Variants in SNTB2 observed in about 807,000 individuals in gnomAD.
SNTB2 encodes the protein syntrophin beta 2.
A neutral mutation model predicts 46.2 loss-of-function variants in SNTB2; 34 were observed. The ratio of observed to expected loss-of-function variants is 0.74; its 90% CI spans 0.56 to 0.98. The LOEUF (loss-of-function observed/expected upper bound fraction) is 0.98. Among genes scored for constraint, SNTB2 ranks in the 50% least tolerant of loss-of-function variants. The pLI, the probability that SNTB2 is intolerant of heterozygous loss-of-function variation, is 0.00. For missense variants in SNTB2, 603 were observed against 731.4 expected (o/e 0.82, Z 2.02); for synonymous variants, 290 against 312.6 (o/e 0.93, Z 0.76).
chr16:69,243,332 C>T (rs1011974330), intron 1 of SNTB2, among the ~76,000 whole-genome samples: 1 of 152,188 alleles, frequency 6.6e-6, no homozygotes, highest in Non-Finnish European at 1.5e-5. Flanking sequence ...TGTCCATCCA[C>T]AGCTCTTCAG....
intron 5 of SNTB2, among the ~76,000 whole-genome samples, chr16:69,298,763 C>G (rs1965251123): frequency 6.6e-6 from 1 of 152,006 alleles, no homozygotes; most frequent in African/African-American, 2.4e-5. Context: ...CTCAAGTGAT[C>G]CGCCCACCTC....
chr16:69,242,837 C>T (rs1340517901), intron 1 of SNTB2, among the ~76,000 whole-genome samples: 10 of 151,874 alleles, frequency 6.6e-5, no homozygotes, highest in African/African-American at 1.5e-4. Flanking sequence ...CTGGCTAGCA[C>T]GGTGAAACCC....
At chr16:69,215,288 G>A (rs1005044136) in intron 1 of SNTB2, among the ~76,000 whole-genome samples, 1 of 152,208 alleles carries the variant, frequency 6.6e-6, no homozygotes, top group African/African-American at 2.4e-5. Context: ...GGGAGGCTGA[G>A]GTGGGAGGAT....
At chr16:69,244,105 G>A (rs1964645216) in intron 1 of SNTB2, among the ~76,000 whole-genome samples, 1 of 152,078 alleles carries the variant, frequency 6.6e-6, no homozygotes, top group Non-Finnish European at 1.5e-5. Flanking sequence ...TGTAGATGAG[G>A]ACCTCAGAAC....
At position 69,299,666 on chromosome 16, in the gene SNTB2, A is replaced by G. The variant is rs775507179; in HGVS notation, c.1422A>G (p.Gly474=). 4.3e-6 allele frequency: 7 copies of G among 1,614,056 alleles called. No homozygotes were observed. Among genetic ancestry groups the G allele is most frequent in the Admixed American group, 1.7e-5 (1 of 59,996 alleles). The change falls in exon 6 of 7, where the codon GGA becomes GGG. Residue 474 remains glycine (G), a synonymous_variant. Coordinates refer to ENST00000336278, the MANE Select transcript of SNTB2 (RefSeq NM_006750.4). ...GGTTCACCATCTCAAGGGAAAATGG[A>G]GGCTCCAGCAGCATATTGTACCGCT... ...ENGFTISREN[G]GSSSILYRYP...
rs192347811 is a variant in SNTB2 at position 69,206,595 on chromosome 16, G to A, written c.580+18849G>A. Among the ~76,000 whole-genome samples the A allele has an allele frequency of 7.6e-3, 1,145 of 151,200 alleles. 15 individuals are homozygous for A. Among genetic ancestry groups the A allele is most frequent in the African/African-American group, 0.025 (1,029 of 41,252 alleles). On this transcript the variant is annotated intron_variant, in intron 1 of 6. Coordinates refer to ENST00000336278, the MANE Select transcript of SNTB2 (RefSeq NM_006750.4). The stretch of plus-strand genomic sequence containing the variant: ...AATCCCAGCTACTCAGGAAGCTGAG[G>A]CAGGAGAATCGCTTGAACCTGGAAG...
intron 3 of SNTB2, 89 bp from the exon 4 acceptor site, chr16:69,270,054 G>T: frequency 6.9e-7 from 1 of 1,456,710 alleles, no homozygotes; most frequent in Non-Finnish European, 9.6e-7. Flanking sequence ...ACAAAATGGA[G>T]ACCCATTGTG....
intron 2 of SNTB2, among the ~76,000 whole-genome samples, chr16:69,248,242 A>C (rs1463942100): frequency 6.6e-6 from 1 of 152,234 alleles, no homozygotes; most frequent in African/African-American, 2.4e-5. Flanking sequence ...TTTGTGCTAC[A>C]TATAGGTTTA....
At chr16:69,212,483 C>T (rs1203529611) in intron 1 of SNTB2, among the ~76,000 whole-genome samples, 3 of 151,950 alleles carry the variant, frequency 2.0e-5, no homozygotes, top group Non-Finnish European at 4.4e-5. Flanking sequence ...GGACTACCGG[C>T]GTGTACCACC....
At chr16:69,223,072 C>T (rs1480403649) in intron 1 of SNTB2, among the ~76,000 whole-genome samples, 2 of 151,996 alleles carry the variant, frequency 1.3e-5, no homozygotes, top group Non-Finnish European at 2.9e-5. Flanking sequence ...TGCGCCCAGC[C>T]GTTTTGTTCT....
intron 2 of SNTB2, among the ~76,000 whole-genome samples, chr16:69,249,142 C>T (rs1477890392): frequency 6.6e-6 from 1 of 151,258 alleles, no homozygotes; most frequent in Non-Finnish European, 1.5e-5. Context: ...TCCCCTGCTT[C>T]AGCCTTCCAA....
intron 1 of SNTB2, among the ~76,000 whole-genome samples, chr16:69,211,766 C>G (rs1964290026): frequency 6.6e-6 from 1 of 152,146 alleles, no homozygotes; most frequent in Non-Finnish European, 1.5e-5. Flanking sequence ...ACACCTTATA[C>G]TAATGTCCTG....
chr16:69,273,375 A>G (rs1318242890), intron 4 of SNTB2, among the ~76,000 whole-genome samples: 1 of 152,256 alleles, frequency 6.6e-6, no homozygotes, highest in Non-Finnish European at 1.5e-5. Flanking sequence ...ATATCCACAC[A>G]GTGGAATACT....
chr16:69,252,211 G>A (rs1964734216), intron 2 of SNTB2, among the ~76,000 whole-genome samples: 2 of 152,062 alleles, frequency 1.3e-5, no homozygotes, highest in Non-Finnish European at 2.9e-5. Flanking sequence ...CCATAGAGCT[G>A]AGAAAAAGTA....
At chr16:69,272,703 C>T (rs1192492475) in intron 4 of SNTB2, among the ~76,000 whole-genome samples, 3 of 151,450 alleles carry the variant, frequency 2.0e-5, no homozygotes, top group African/African-American at 4.9e-5. Context: ...ACCAGCCTGA[C>T]CAACATGGTG....
At chr16:69,272,197 G>C (rs1964943918) in intron 4 of SNTB2, among the ~76,000 whole-genome samples, 1 of 152,150 alleles carries the variant, frequency 6.6e-6, no homozygotes, top group South Asian at 2.1e-4. Flanking sequence ...CACAGAATGG[G>C]AGAAAATATT....
intron 1 of SNTB2, among the ~76,000 whole-genome samples, chr16:69,204,946 A>G (rs1242202047): frequency 6.6e-6 from 1 of 152,232 alleles, no homozygotes; most frequent in Non-Finnish European, 1.5e-5. Context: ...TGTGCATTGC[A>G]TATGACCATA....
At chr16:69,285,356 CTTT>C (rs199516210) in intron 5 of SNTB2, among the ~76,000 whole-genome samples, 1 of 131,820 alleles carries the variant, frequency 7.6e-6, no homozygotes, top group African/African-American at 2.7e-5. Context: ...GTTCATCTCT[CTTT>C]TTTTTTTTTT....
At chr16:69,221,766 ACTCT>A (rs991104297) in intron 1 of SNTB2, among the ~76,000 whole-genome samples, 1 of 152,046 alleles carries the variant, frequency 6.6e-6, no homozygotes, top group Non-Finnish European at 1.5e-5. Context: ...ACAGAATAAG[ACTCT>A]CTCTCAAAAA....
Sources: allele counts gnomAD v4.1 joint callset (sites outside exome capture counted in the v4.1 genomes callset), GRCh38; gene constraint gnomAD v4.1.1; transcripts MANE v1.5; gene names NCBI Gene and HGNC (gene_info 2026-07-23, HGNC 2026-07-21).